The following GNAS variants were observed in gnomAD, a reference collection of about 807,000 sequenced individuals.
The protein encoded by GNAS is GNAS complex locus, also known as protein ALEX.
A neutral mutation model predicts 54.5 loss-of-function variants in GNAS; 8 were observed. The observed-to-expected ratio is 0.15, with a 90% CI of 0.09 to 0.26. The LOEUF is 0.26. GNAS is among the 10% of genes least tolerant of loss of function. The pLI, the probability that GNAS is intolerant of heterozygous loss-of-function variation, is 1.00. For missense variants in GNAS, 170 were observed against 529.8 expected, an observed-to-expected ratio of 0.32 and a Z score of 6.67; for synonymous variants, 204 against 191.4, an observed-to-expected ratio of 1.07 and a Z score of -0.54.
Position 58,853,492 on chromosome 20 carries a change from C to T in GNAS, c.43+12606C>T. Reference sequence around the variant, plus strand: ...TGTGGACCCCCAGAGGTCTCCAGACCCAACTTTCAGGTCCTCAACCCGGCA... The same window carrying T: ...TGTGGACCCCCAGAGGTCTCCAGACTCAACTTTCAGGTCCTCAACCCGGCA... On this transcript the variant is annotated intron_variant, in intron 1 of 12. Coordinates refer to the GNAS transcript ENST00000306090. This position sits in a 1 kb window ranked among gnomAD's most constrained non-coding sequence, Gnocchi z 4.4. 6.2e-7 allele frequency: 1 copy of T among 1,613,168 alleles called. No homozygotes were observed.
chr20:58,889,435 A>T, upstream of GNAS: 1 of 913,518 alleles, frequency 1.1e-6, no homozygotes, highest in Non-Finnish European at 1.3e-6. Flanking sequence ...GGGACAAGGC[A>T]GGGGCGCCCG....
At chr20:58,892,092 G>A in intron 1 of GNAS, 3 of 969,128 alleles carry the variant, frequency 3.1e-6, no homozygotes, top group Non-Finnish European at 3.7e-6. Context: ...ACGCGGGCGC[G>A]GGTCCCCCTC....
intron 1 of GNAS, chr20:58,855,263 T>A (rs2086421150): frequency 6.3e-7 from 1 of 1,588,034 alleles, no homozygotes; most frequent in East Asian, 2.3e-5. Context: ...AGAAACGCAG[T>A]AAGCTCATCG....
chr20:58,867,739 G>C (rs751587333), intron 1 of GNAS, among the ~76,000 whole-genome samples: 9 of 152,190 alleles, frequency 5.9e-5, no homozygotes, highest in Non-Finnish European at 1.3e-4. Context: ...ATTTAGGAAT[G>C]ATTCTGCCAA....
chr20:58,840,082 G>A, upstream of GNAS: 1 of 1,608,640 alleles, frequency 6.2e-7, no homozygotes, highest in Non-Finnish European at 8.5e-7. This position sits in a 1 kb window ranked among gnomAD's most constrained non-coding sequence, Gnocchi z 6.0. Flanking sequence ...AGGGCAGGCC[G>A]GCTTCTCGGT....
Position 58,891,434 on chromosome 20 carries a change from G to A in GNAS, c.-293G>A, listed in dbSNP as rs909598065. The A allele has an allele frequency of 3.1e-5, 15 of 481,416 alleles. No homozygotes were observed. The highest frequency in any genetic ancestry group is 4.0e-5 in the Non-Finnish European group (15 of 373,686). The allele number at this position is 481,416 out of a possible 1,614,324, so 29.8% of individuals were successfully genotyped here. A position where few individuals can be genotyped will look rare whatever the true frequency, so the allele number is the denominator to read the frequency against. Reference sequence around the variant, plus strand: ...GGCAGCGGCGGCAGCAGCTCCCGCAGCTCCTGCTCTGGTCCGCCTCGGCCC... The same window carrying A: ...GGCAGCGGCGGCAGCAGCTCCCGCAACTCCTGCTCTGGTCCGCCTCGGCCC... On this transcript the variant is annotated 5_prime_UTR_variant, in exon 1 of 13. Transcript: ENST00000371085.
intron 1 of GNAS, chr20:58,855,667 GGGGCCCCGGGGC>G: frequency 1.5e-6 from 1 of 687,524 alleles, no homozygotes. Context: ...CTGCCGGGGA[GGGGCCCCGGGGC>G]CCCGGGACTC....
Position 58,899,664 on chromosome 20 carries a change from CG to C in GNAS, c.257+680del, listed in dbSNP as rs879720148. Among the ~76,000 whole-genome samples the C allele has an allele frequency of 6.5e-3, 858 of 132,792 alleles. 5 individuals carry two copies. The highest frequency in any genetic ancestry group is 0.036 in the South Asian group (110 of 3,058). 87.1% of individuals were successfully genotyped at this position (132,792 alleles called of 152,430 possible). A position where few individuals can be genotyped will look rare whatever the true frequency, so the allele number is the denominator to read the frequency against. ...CCCACACCCATCACACACACACACA[CG>C]CACACACATGCACATGCATACACAG... On this transcript the variant is annotated intron_variant, in intron 3 of 12. Coordinates refer to ENST00000371085, the MANE Select transcript of GNAS (RefSeq NM_000516.7).
intron 1 of GNAS, chr20:58,854,083 C>G: frequency 6.2e-7 from 1 of 1,612,258 alleles, no homozygotes; most frequent in Non-Finnish European, 8.5e-7. Context: ...GCGAACGCGC[C>G]TCCCCTCTGG....
intron 1 of GNAS, among the ~76,000 whole-genome samples, chr20:58,894,845 G>A (rs578090053): frequency 6.6e-6 from 1 of 152,248 alleles, no homozygotes; most frequent in East Asian, 1.9e-4. Context: ...AATGCTAATA[G>A]GGTCTCAGGA....
In GNAS at chr20:58,856,813, C is replaced by CA. The variant is rs1295518303; in HGVS notation, c.43+15928dup. The CA allele has an allele frequency of 1.3e-5, 2 of 152,040 alleles. No homozygotes were observed. Among genetic ancestry groups the CA allele is most frequent in the African/African-American group, 4.8e-5 (2 of 41,336 alleles). 9.4% of individuals were successfully genotyped at this position (152,040 alleles called of 1,614,324 possible). ...TACCTTCCCCCTCCTCCTCTGCTCACATTTCCCCACCTCTCGGTGCCCTCC... is the reference window on the plus strand; with the variant it reads ...TACCTTCCCCCTCCTCCTCTGCTCACAATTTCCCCACCTCTCGGTGCCCTCC... On this transcript the variant is annotated intron_variant, in intron 1 of 12. Coordinates refer to the GNAS transcript ENST00000306090. This position sits in a 1 kb window ranked among gnomAD's most constrained non-coding sequence, Gnocchi z 4.2.
At position 58,841,424 on chromosome 20, in the gene GNAS, C is replaced by G; in HGVS notation, c.43+538C>G. ...GGGCGAGAACTCTAGAGACTGACCA[C>G]CCGGGAGGGAAGTCACGCGCGCGCG... On this transcript the variant is annotated intron_variant, in intron 1 of 12. Coordinates refer to the GNAS transcript ENST00000306090. This position sits in a 1 kb window ranked among gnomAD's most constrained non-coding sequence, Gnocchi z 5.0. The G allele has an allele frequency of 1.0e-6, 1 of 992,834 alleles. No homozygotes were observed. The highest frequency in any genetic ancestry group is 5.2e-4 in the Middle Eastern group (1 of 1,934). 61.5% of individuals were successfully genotyped at this position (992,834 alleles called of 1,614,324 possible).
upstream of GNAS, chr20:58,889,175 C>T (rs1272177162): frequency 3.5e-5 from 43 of 1,215,638 alleles, no homozygotes; most frequent in Non-Finnish European, 4.2e-5. Flanking sequence ...CCGGCGGGGA[C>T]ACTCAGTCGC....
intron 1 of GNAS, among the ~76,000 whole-genome samples, chr20:58,893,966 A>T (rs1247735852): frequency 6.6e-6 from 1 of 152,234 alleles, no homozygotes; most frequent in Non-Finnish European, 1.5e-5. Flanking sequence ...TTACATCATG[A>T]TGTATTGATT....
At position 58,910,051 on chromosome 20, in the gene GNAS, G is replaced by T; in HGVS notation, c.940G>T (p.Glu314Ter). Reference sequence around the variant, plus strand: ...ATCGAAGATTGAGGACTACTTTCCAGAATTTGCTCGCTACACTACTCCTGA... The same window carrying T: ...ATCGAAGATTGAGGACTACTTTCCATAATTTGCTCGCTACACTACTCCTGA... ...GKSKIEDYFP[E>*]FARYTTPEDA... The change falls in exon 11 of 13, where the codon GAA becomes TAA. Residue 314 changes from glutamate to a stop codon, truncating the protein, a stop_gained. Transcript: ENST00000371085. LOFTEE classifies it high-confidence loss of function. This position sits in a 1 kb window ranked among gnomAD's most constrained non-coding sequence, Gnocchi z 5.8. 6.2e-7 allele frequency: 1 copy of T among 1,613,892 alleles called. No individual in the cohort carries two copies. The highest frequency in any genetic ancestry group is 8.5e-7 in the Non-Finnish European group (1 of 1,179,798).
chr20:58,847,736 C>G (rs945416230), intron 1 of GNAS, among the ~76,000 whole-genome samples: 1 of 152,166 alleles, frequency 6.6e-6, no homozygotes, highest in Non-Finnish European at 1.5e-5. Context: ...GGTTTCTGTT[C>G]CCTTCCCTTT....
chr20:58,886,550 T>C (rs1399037759), upstream of GNAS, among the ~76,000 whole-genome samples: 2 of 152,098 alleles, frequency 1.3e-5, no homozygotes, highest in Non-Finnish European at 2.9e-5. Flanking sequence ...TGCCAATAGA[T>C]TGCCCCACTT....
At position 58,854,030 on chromosome 20, in the gene GNAS, C is replaced by T. The variant is rs772781318; in HGVS notation, c.43+13144C>T. ...CACAAGTCGACGGCAGCAGCCAGTT[C>T]GCGGCAGTCGCGGCCTCGAGTGCGG... On this transcript the variant is annotated intron_variant, in intron 1 of 12. Coordinates refer to the GNAS transcript ENST00000306090. The T allele has an allele frequency of 6.8e-6, 11 of 1,610,774 alleles. No homozygotes were observed. The South Asian group carries it at 7.7e-5, about 11-fold the overall frequency.
In GNAS at chr20:58,891,699, G is replaced by C. The variant is rs1446754479; in HGVS notation, c.-28G>C. The C allele has an allele frequency of 3.9e-6, 4 of 1,034,980 alleles. No homozygotes were observed. Among genetic ancestry groups the C allele is most frequent in the African/African-American group, 1.8e-5 (1 of 55,040 alleles). 64.1% of individuals were successfully genotyped at this position (1,034,980 alleles called of 1,614,324 possible). On this transcript the variant is annotated 5_prime_UTR_variant, in exon 1 of 13. Coordinates refer to ENST00000371085, the MANE Select transcript of GNAS (RefSeq NM_000516.7). Reference sequence around the variant, plus strand: ...CCGCGCCCGCCGCCGCCGCAGCCCGGCCGCGCCCCGCCGCCGCCGCCGCCG... The same window carrying C: ...CCGCGCCCGCCGCCGCCGCAGCCCGCCCGCGCCCCGCCGCCGCCGCCGCCG...
Sources: allele counts gnomAD v4.1 joint callset (sites outside exome capture counted in the v4.1 genomes callset), GRCh38; gene constraint gnomAD v4.1.1; non-coding constraint Gnocchi (gnomAD v3.1); transcripts MANE v1.5; gene names NCBI Gene and HGNC (gene_info 2026-07-23, HGNC 2026-07-21).